The following MXD1 variants were observed in gnomAD, a reference collection of about 807,000 sequenced individuals.
The protein encoded by MXD1 is MAX dimerization protein 1, also known as MAX-binding protein.
Under a neutral mutation model 25.7 loss-of-function variants are expected in MXD1, and 9 were observed. The observed-to-expected ratio is 0.35, with a 90% CI of 0.21 to 0.61. The LOEUF (loss-of-function observed/expected upper bound fraction) is 0.61. Among genes scored for constraint, MXD1 ranks in the 20% least tolerant of loss-of-function variants. MXD1 has a pLI of 0.75. For missense variants in MXD1, 227 were observed against 292.4 expected (o/e 0.78, Z 1.63); for synonymous variants, 99 against 113.9 (o/e 0.87, Z 0.83).
chr2:69,937,105 C>A, intron 4 of MXD1, 130 bp from the exon 5 acceptor site: 1 of 1,204,084 alleles, frequency 8.3e-7, no homozygotes, highest in Non-Finnish European at 1.2e-6. Context: ...CAGGGAGAAG[C>A]TTGATGAGTG....
intron 2 of MXD1, among the ~76,000 whole-genome samples, chr2:69,918,814 G>A (rs903088554): frequency 5.3e-5 from 8 of 152,152 alleles, no homozygotes; most frequent in Non-Finnish European, 1.2e-4. Context: ...ATGGAAAATA[G>A]TTTTGACACA....
At chr2:69,924,960 C>T (rs1677142547) in intron 3 of MXD1, among the ~76,000 whole-genome samples, 1 of 152,224 alleles carries the variant, frequency 6.6e-6, no homozygotes, top group South Asian at 2.1e-4. Flanking sequence ...CCAACACCAA[C>T]ACTTTGAAGT....
intron 3 of MXD1, among the ~76,000 whole-genome samples, chr2:69,929,262 A>ACC (rs1473409525): frequency 6.6e-6 from 1 of 152,102 alleles, no homozygotes; most frequent in African/African-American, 2.4e-5. Flanking sequence ...ACACACACAT[A>ACC]CCCACACACC....
At chr2:69,921,007 T>C (rs1421429875) in intron 2 of MXD1, among the ~76,000 whole-genome samples, 3 of 152,218 alleles carry the variant, frequency 2.0e-5, no homozygotes, top group Admixed American at 6.5e-5. Flanking sequence ...ACTTGTTCAG[T>C]AAATAATTCG....
intron 3 of MXD1, among the ~76,000 whole-genome samples, chr2:69,927,386 C>T (rs1038808396): frequency 9.2e-5 from 14 of 152,078 alleles, no homozygotes; most frequent in Non-Finnish European, 1.5e-4. Flanking sequence ...AAGGTTATTA[C>T]GAAGGAGAGA....
rs1175403193 is a variant in MXD1 at position 69,941,135 on chromosome 2, A to C, written c.*2851A>C. On this transcript the variant is annotated 3_prime_UTR_variant, in exon 6 of 6. Coordinates refer to ENST00000264444, the MANE Select transcript of MXD1 (RefSeq NM_002357.4). Reference sequence around the variant, plus strand: ...AGGCACATGCATATTTTTATGTGAAAGTTGATTTTAAAAAACTAAAAAAAT... The same window carrying C: ...AGGCACATGCATATTTTTATGTGAACGTTGATTTTAAAAAACTAAAAAAAT... The C allele has an allele frequency of 2.0e-5, 3 of 152,192 alleles. No individual in the cohort carries two copies. Among genetic ancestry groups the C allele is most frequent in the Non-Finnish European group, 2.9e-5 (2 of 68,034 alleles). 9.4% of individuals were successfully genotyped at this position (152,192 alleles called of 1,614,324 possible).
Position 69,938,353 on chromosome 2 carries a change from C to T in MXD1, c.*69C>T. 1 of 1,512,720 alleles carries T rather than the reference C, an allele frequency of 6.6e-7. No homozygotes were observed. Among genetic ancestry groups the T allele is most frequent in the Non-Finnish European group, 9.1e-7 (1 of 1,103,706 alleles). The allele number at this position is 1,512,720 out of a possible 1,614,324, so 93.7% of individuals were successfully genotyped here. On this transcript the variant is annotated 3_prime_UTR_variant, in exon 6 of 6. Transcript: ENST00000264444. ...GGTTCTGATTAGGTAACGTATTGGA[C>T]CTGCCCACAACTCCCTTGCACGTAA...
intron 4 of MXD1, chr2:69,936,973 C>T: frequency 3.4e-6 from 2 of 592,706 alleles, no homozygotes; most frequent in South Asian, 1.5e-5. Context: ...TGAGGGCTAC[C>T]AGGGTGCCAG....
At chr2:69,934,235 A>G (rs1033788299) in intron 3 of MXD1, among the ~76,000 whole-genome samples, 1 of 152,212 alleles carries the variant, frequency 6.6e-6, no homozygotes, top group Non-Finnish European at 1.5e-5. Context: ...TGGTGCTTAG[A>G]AAATAGAGGA....
chr2:69,933,863 T>C (rs1429389913), intron 3 of MXD1, among the ~76,000 whole-genome samples: 1 of 152,208 alleles, frequency 6.6e-6, no homozygotes, highest in Admixed American at 6.5e-5. Flanking sequence ...AGGCATTGCA[T>C]TGTTTCCCAA....
intron 2 of MXD1, among the ~76,000 whole-genome samples, chr2:69,916,972 C>T (rs1048244533): frequency 2.6e-5 from 4 of 152,146 alleles, no homozygotes; most frequent in Non-Finnish European, 4.4e-5. Context: ...TGTTGCTGCC[C>T]GTTTCCCCCC....
Position 69,937,341 on chromosome 2 carries a change from G to T in MXD1, c.425G>T (p.Arg142Leu). Residue 142 changes from arginine to leucine, a missense_variant, in exon 5 of 6, where the codon CGG (arginine) becomes CTG (leucine). By Grantham distance (102) the Arg-to-Leu change is moderately radical. Transcript: ENST00000264444. Reference sequence around the variant, plus strand: ...GAGAAGCTGGGCATTGAGAGGATCCGGATGGACAGCATCGGCTCCACCGTC... The same window carrying T: ...GAGAAGCTGGGCATTGAGAGGATCCTGATGGACAGCATCGGCTCCACCGTC... Reference protein sequence around the residue: ...QLEKLGIERIRMDSIGSTVSS... With the variant: ...QLEKLGIERILMDSIGSTVSS... 1.2e-6 allele frequency: 2 copies of T among 1,614,044 alleles called. No individual in the cohort carries two copies. Among genetic ancestry groups the T allele is most frequent in the Non-Finnish European group, 1.7e-6 (2 of 1,180,014 alleles).
At chr2:69,935,768 A>G (rs78742140) in intron 4 of MXD1, among the ~76,000 whole-genome samples, 2,000 of 152,272 alleles carry the variant, frequency 0.013, 41 homozygotes, top group African/African-American at 0.045. Flanking sequence ...ATATTTTGCA[A>G]CCGGTCTACT....
At chr2:69,921,457 T>A (rs898798770) in intron 2 of MXD1, among the ~76,000 whole-genome samples, 16 of 152,216 alleles carry the variant, frequency 1.1e-4, no homozygotes, top group African/African-American at 3.9e-4. Flanking sequence ...TTTGTATAAA[T>A]AGACCCCTTT....
chr2:69,915,274 G>T lies in MXD1; in HGVS notation c.-57G>T. On this transcript the variant is annotated 5_prime_UTR_variant, in exon 1 of 6. Transcript: ENST00000264444. The surrounding 1 kb of genome is among the most constrained non-coding windows in gnomAD (Gnocchi z 5.8). ...GCGGGCTCCACAGCGGTCCGGCGGC[G>T]GCAGCGAGCCCGTGGGCAGTGGGGG... The T allele has an allele frequency of 7.8e-7, 1 of 1,286,696 alleles. No individual in the cohort carries two copies. Among genetic ancestry groups the T allele is most frequent in the Admixed American group, 4.1e-5 (1 of 24,400 alleles). 79.7% of individuals were successfully genotyped at this position (1,286,696 alleles called of 1,614,324 possible). A position where few individuals can be genotyped will look rare whatever the true frequency, so the allele number is the denominator to read the frequency against.
At chr2:69,936,031 G>A (rs1380582431) in intron 4 of MXD1, among the ~76,000 whole-genome samples, 1 of 151,982 alleles carries the variant, frequency 6.6e-6, no homozygotes, top group Non-Finnish European at 1.5e-5. Flanking sequence ...CCTTTCTCCA[G>A]CCCTTCTTCC....
chr2:69,936,527 C>T (rs917550280), intron 4 of MXD1, among the ~76,000 whole-genome samples: 10 of 152,264 alleles, frequency 6.6e-5, no homozygotes, highest in African/African-American at 2.4e-4. Flanking sequence ...ACAAATGTTA[C>T]TTTAATTATG....
chr2:69,924,334 G>A (rs1677130855), intron 3 of MXD1, among the ~76,000 whole-genome samples: 1 of 152,198 alleles, frequency 6.6e-6, no homozygotes, highest in African/African-American at 2.4e-5. Flanking sequence ...TTTGCTTGTT[G>A]AAGGATTAGT....
At position 69,941,455 on chromosome 2, in the gene MXD1, C is replaced by G. The variant is rs1269756043; in HGVS notation, c.*3171C>G. On this transcript the variant is annotated 3_prime_UTR_variant, in exon 6 of 6. Coordinates refer to ENST00000264444, the MANE Select transcript of MXD1 (RefSeq NM_002357.4). ...TAGTTTAGTGATTCAAAATGCATCA[C>G]ATTTTTAGGCAGGACCTAGATTTTC... The G allele has an allele frequency of 6.6e-6, 1 of 152,212 alleles. No individual in the cohort carries two copies. Among genetic ancestry groups the G allele is most frequent in the African/African-American group, 2.4e-5 (1 of 41,448 alleles). 9.4% of individuals were successfully genotyped at this position (152,212 alleles called of 1,614,324 possible). A position where few individuals can be genotyped will look rare whatever the true frequency, so the allele number is the denominator to read the frequency against.
Sources: gnomAD v4.1 joint callset for allele counts (sites outside exome capture counted in the v4.1 genomes callset) on GRCh38, gnomAD v4.1.1 for gene constraint, Gnocchi (gnomAD v3.1) non-coding constraint, MANE v1.5 for transcripts, NCBI Gene and HGNC (gene_info 2026-07-23, HGNC 2026-07-21) for gene names.